SNTB2: variants seen among roughly 807,000 people sequenced by gnomAD.
SNTB2 encodes the protein syntrophin beta 2.
Under a neutral mutation model 46.2 loss-of-function variants are expected in SNTB2, and 34 were observed. That is an observed-to-expected ratio of 0.74 (90% CI 0.56 to 0.98). The LOEUF (loss-of-function observed/expected upper bound fraction) is 0.98, where lower values mean the gene tolerates loss of function less well. Among genes scored for constraint, SNTB2 ranks in the 50% least tolerant of loss-of-function variants. SNTB2 has a pLI of 0.00. For synonymous variants in SNTB2, 290 were observed against 312.6 expected (o/e 0.93, Z 0.76); for missense variants, 603 against 731.4 (o/e 0.82, Z 2.02).
At chr16:69,238,929 T>G (rs1267246994) in intron 1 of SNTB2, among the ~76,000 whole-genome samples, 1 of 152,116 alleles carries the variant, frequency 6.6e-6, no homozygotes, top group Non-Finnish European at 1.5e-5. Context: ...GCTTCCTGTT[T>G]CAGAATAAAA....
In SNTB2 at chr16:69,216,479, T is replaced by C. The variant is rs1964348178; in HGVS notation, c.580+28733T>C. On this transcript the variant is annotated intron_variant, in intron 1 of 6. Coordinates refer to ENST00000336278, the MANE Select transcript of SNTB2 (RefSeq NM_006750.4). ...GGGAGGATTGCATGAGATCAGGAGT[T>C]CAAGACCAGTCTGGGCAACGTGATG... is the stretch of plus-strand genomic sequence containing the variant. Among the ~76,000 whole-genome samples the C allele has an allele frequency of 2.6e-5, 4 of 151,460 alleles. No homozygotes were observed. In the South Asian group the frequency reaches 8.3e-4, roughly 32 times the overall value.
At chr16:69,247,124 G>A (rs560888356) in intron 2 of SNTB2, among the ~76,000 whole-genome samples, 1 of 151,388 alleles carries the variant, frequency 6.6e-6, no homozygotes, top group East Asian at 1.9e-4. Flanking sequence ...CTCCTTAGAT[G>A]GAAATTCCTT....
rs117128270 is a variant in SNTB2, at chr16:69,268,662, C to T, written c.1006-1481C>T. Among the ~76,000 whole-genome samples, 135 of 151,566 alleles carry T rather than the reference C, an allele frequency of 8.9e-4. No homozygotes were observed. The East Asian group carries it at 0.024, about 27-fold the overall frequency. On this transcript the variant is annotated intron_variant, in intron 3 of 6. Coordinates refer to ENST00000336278, the MANE Select transcript of SNTB2 (RefSeq NM_006750.4). ...GGTGGATTGCCTGAGCCCAGGAGTT[C>T]GAGGCCAGCCTGGGCAATACAGTGA...
At chr16:69,220,154 ATTTTTTTTTTTT>A (rs889068336) in intron 1 of SNTB2, among the ~76,000 whole-genome samples, 2 of 97,554 alleles carry the variant, frequency 2.1e-5, no homozygotes, top group East Asian at 2.7e-4. Context: ...AGAAAGTCAG[ATTTTTTTTTTTT>A]TTTTTTTTTT....
intron 2 of SNTB2, among the ~76,000 whole-genome samples, chr16:69,249,526 A>G (rs1027028845): frequency 1.3e-5 from 2 of 152,182 alleles, no homozygotes; most frequent in African/African-American, 4.8e-5. Flanking sequence ...AAGTCCAGTT[A>G]ACCTTGGTCT....
chr16:69,300,920 T>C lies in SNTB2; in HGVS notation c.1619T>C (p.Val540Ala). The change falls in exon 7 of 7, where the codon GTA becomes GCA. Residue 540 changes from valine (V) to alanine (A), a missense_variant. Val to Ala is a moderately conservative substitution (Grantham distance 64). Coordinates refer to ENST00000336278, the MANE Select transcript of SNTB2 (RefSeq NM_006750.4). ...AAAGTCACTCGTATGGGACTGCTTGTATGAGCAACAAAAAATCAGAAAAGA... is the reference window on the plus strand; with the variant it reads ...AAAGTCACTCGTATGGGACTGCTTGCATGAGCAACAAAAAATCAGAAAAGA... ...SAKVTRMGLL[V>A] 6.3e-7 allele frequency: 1 copy of C among 1,599,690 alleles called. No homozygotes were observed. The highest frequency in any genetic ancestry group is 8.6e-7 in the Non-Finnish European group (1 of 1,167,874).
Position 69,257,469 on chromosome 16 carries a change from C to T in SNTB2, c.795-2581C>T, listed in dbSNP as rs563853454. ...TATTTATTTATTTATTTTCTTGAGA[C>T]GGAGTCTTGCTCTGCTGCCCAGGCT... is the stretch of plus-strand genomic sequence containing the variant. On this transcript the variant is annotated intron_variant, in intron 2 of 6. Transcript: ENST00000336278. Among the ~76,000 whole-genome samples the T allele has an allele frequency of 1.1e-4, 17 of 150,340 alleles. No individual in the cohort carries two copies. The South Asian group carries it at 1.7e-3, about 15-fold the overall frequency.
Position 69,235,887 on chromosome 16 carries a change from G to C in SNTB2, c.581-9715G>C, listed in dbSNP as rs552103534. 25 of 1,279,622 alleles carry C rather than the reference G, an allele frequency of 2.0e-5. 1 individual carries two copies. In the South Asian group the frequency reaches 2.9e-4, roughly 15 times the overall value. The allele number at this position is 1,279,622 out of a possible 1,614,324, so 79.3% of individuals were successfully genotyped here. On this transcript the variant is annotated intron_variant, in intron 1 of 6. Transcript: ENST00000336278. ...CTACAACTGTTCTTGGAGTTGTGTG[G>C]ATGCAGTCCCATTAGATATATATAG...
chr16:69,305,109 T>C lies in SNTB2; in HGVS notation c.*4185T>C. ...TTATAATAGATTCTTTTTTTTAATTTTGTGAGAAATTCCAGGTCTTCTTGC... is the reference window on the plus strand; with the variant it reads ...TTATAATAGATTCTTTTTTTTAATTCTGTGAGAAATTCCAGGTCTTCTTGC... On this transcript the variant is annotated 3_prime_UTR_variant, in exon 7 of 7. Transcript: ENST00000336278. 6.6e-6 allele frequency: 1 copy of C among 152,454 alleles called. No homozygotes were observed. Among genetic ancestry groups the C allele is most frequent in the Non-Finnish European group, 1.5e-5 (1 of 68,044 alleles). 9.4% of individuals were successfully genotyped at this position (152,454 alleles called of 1,614,324 possible).
At position 69,187,757 on chromosome 16, in the gene SNTB2, C is replaced by CGGGGGGGGTGGGGGGGGGGGG; in HGVS notation, c.580+11_580+12insGGGGGGGGTGGGGGGGGGGGG. 1 of 411,466 alleles carries CGGGGGGGGTGGGGGGGGGGGG rather than the reference C, an allele frequency of 2.4e-6. No homozygotes were observed. Among genetic ancestry groups the CGGGGGGGGTGGGGGGGGGGGG allele is most frequent in the Non-Finnish European group, 4.4e-6 (1 of 228,846 alleles). The allele number at this position is 411,466 out of a possible 1,614,324, so 25.5% of individuals were successfully genotyped here. On this transcript the variant is annotated intron_variant, in intron 1 of 6. Transcript: ENST00000336278. The stretch of plus-strand genomic sequence containing the variant: ...AGGTGCTGCTGGAGGGTGAGCGGGG[C>CGGGGGGGGTGGGGGGGGGGGG]CGGGCGGGAGGGTGGGCAGGCCGCG...
intron 5 of SNTB2, among the ~76,000 whole-genome samples, chr16:69,295,217 A>G (rs1965211258): frequency 6.7e-6 from 1 of 149,742 alleles, no homozygotes; most frequent in African/African-American, 2.5e-5. Context: ...GTTAAACAAA[A>G]TCAACATACT....
At chr16:69,280,469 G>A (rs1965029455) in intron 4 of SNTB2, among the ~76,000 whole-genome samples, 1 of 147,014 alleles carries the variant, frequency 6.8e-6, no homozygotes, top group Non-Finnish European at 1.5e-5. Flanking sequence ...CTCCCGGACG[G>A]GGCGGCTGGC....
At chr16:69,204,452 A>G (rs1378094612) in intron 1 of SNTB2, among the ~76,000 whole-genome samples, 1 of 152,204 alleles carries the variant, frequency 6.6e-6, no homozygotes, top group Non-Finnish European at 1.5e-5. Context: ...GACAGTAGTT[A>G]TTAAGAAGTC....
chr16:69,238,091 C>G (rs1964575958), intron 1 of SNTB2, among the ~76,000 whole-genome samples: 1 of 152,148 alleles, frequency 6.6e-6, no homozygotes, highest in African/African-American at 2.4e-5. Context: ...CGGACGCTGA[C>G]CTGCGTGGAC....
chr16:69,208,991 T>TGTGTGTGTGTGTGTGTGTGTGTGTGTG (rs1567397568), intron 1 of SNTB2, among the ~76,000 whole-genome samples: 2 of 150,848 alleles, frequency 1.3e-5, no homozygotes, highest in African/African-American at 5.0e-5. Flanking sequence ...TGTGTGTGTG[T>TGTGTGTGTGTGTGTGTGTGTGTGTGTG]TTTTGAGATG....
intron 5 of SNTB2, among the ~76,000 whole-genome samples, chr16:69,290,595 G>T (rs1029830339): frequency 6.6e-6 from 1 of 152,044 alleles, no homozygotes; most frequent in Non-Finnish European, 1.5e-5. Context: ...TTTACTCATC[G>T]GTTTGGCAAA....
At chr16:69,202,209 G>A (rs1483247013) in intron 1 of SNTB2, among the ~76,000 whole-genome samples, 1 of 152,166 alleles carries the variant, frequency 6.6e-6, no homozygotes, top group Admixed American at 6.6e-5. Context: ...CTGACTTGGA[G>A]GCTTTCTCAT....
intron 3 of SNTB2, among the ~76,000 whole-genome samples, chr16:69,265,628 AC>A (rs916436721): frequency 9.9e-5 from 15 of 151,852 alleles, no homozygotes; most frequent in African/African-American, 3.6e-4. Context: ...GGAGTTTGAG[AC>A]CAGCCTGGCC....
intron 1 of SNTB2, among the ~76,000 whole-genome samples, chr16:69,209,115 G>C (rs1007094695): frequency 1.3e-5 from 2 of 152,026 alleles, no homozygotes; most frequent in African/African-American, 2.4e-5. Flanking sequence ...GAGACTGCAG[G>C]TGCCTGCCAC....
Sources: allele counts gnomAD v4.1 joint callset (sites outside exome capture counted in the v4.1 genomes callset), GRCh38; gene constraint gnomAD v4.1.1; transcripts MANE v1.5; gene names NCBI Gene and HGNC (gene_info 2026-07-23, HGNC 2026-07-21).